The following FHIP1A variants were observed in gnomAD, a reference collection of about 807,000 sequenced individuals.
FHIP1A encodes FHF complex subunit HOOK interacting protein 1A, also known as FHF complex subunit HOOK-interacting protein 1A.
FHIP1A carries 61 observed loss-of-function variants against 88.6 expected under a neutral mutation model. That is an observed-to-expected ratio of 0.69 (90% CI 0.56 to 0.85). The LOEUF is 0.85. Among genes scored for constraint, FHIP1A ranks in the 40% least tolerant of loss-of-function variants. The probability of loss-of-function intolerance (pLI) is 0.00; values close to 1 mark genes in which losing one functional copy is unlikely to be tolerated. For synonymous variants in FHIP1A, 478 were observed against 496.0 expected, an observed-to-expected ratio of 0.96 and a Z score of 0.48; for missense variants, 1,154 against 1,273.5, an observed-to-expected ratio of 0.91 and a Z score of 1.43.
chr4:151,429,932 C>T (rs1733532667), intron 1 of FHIP1A, among the ~76,000 whole-genome samples: 1 of 151,788 alleles, frequency 6.6e-6, no homozygotes, highest in South Asian at 2.1e-4. Context: ...TACCAAATTC[C>T]ACTTTCAAAT....
At position 151,667,577 on chromosome 4, in the gene FHIP1A, T is replaced by C. The variant is rs1424808922; in HGVS notation, c.*4823T>C. On this transcript the variant is annotated 3_prime_UTR_variant, in exon 14 of 14. Transcript: ENST00000435205. ...GCTCAATAACTGGATAAACAGGACT[T>C]TAGTGAAAGATTTTCAGAGGTTCTT... is the stretch of plus-strand genomic sequence containing the variant. Among the ~76,000 whole-genome samples, 1 of 152,154 alleles carries C rather than the reference T, an allele frequency of 6.6e-6. No individual in the cohort carries two copies. Among genetic ancestry groups the C allele is most frequent in the Non-Finnish European group, 1.5e-5 (1 of 68,018 alleles).
chr4:151,449,242 T>C (rs1330738291), intron 1 of FHIP1A, among the ~76,000 whole-genome samples: 2 of 152,166 alleles, frequency 1.3e-5, no homozygotes, highest in African/African-American at 4.8e-5. Flanking sequence ...ATATTTTATA[T>C]GTTATTTTAT....
intron 3 of FHIP1A, among the ~76,000 whole-genome samples, chr4:151,516,688 G>A (rs1312543931): frequency 6.6e-6 from 1 of 152,136 alleles, no homozygotes; most frequent in Non-Finnish European, 1.5e-5. Flanking sequence ...GCAGCCAAAA[G>A]ACACATGAAA....
chr4:151,650,508 A>G lies in FHIP1A; in HGVS notation c.2467A>G (p.Thr823Ala), dbSNP rs571534923. ...TATAGCGGAGATGCCTGCTGTAGAG[A>G]CTGTGCCTTCCCCATTTGTGGGGAG... Reference protein sequence around the residue: ...SFIAEMPAVETVPSPFVGRDE... With the variant: ...SFIAEMPAVEAVPSPFVGRDE... The change falls in exon 11 of 14, where the codon ACT becomes GCT. Residue 823 changes from threonine to alanine, a missense_variant. Physicochemically the swap from Thr to Ala is moderately conservative, Grantham distance 58 (BLOSUM62 0). Coordinates refer to ENST00000435205, the MANE Select transcript of FHIP1A (RefSeq NM_001109977.3). 3.2e-6 allele frequency: 5 copies of G among 1,551,530 alleles called. No homozygotes were observed. The South Asian group carries it at 4.8e-5, about 15-fold the overall frequency.
chr4:151,616,418 A>G (rs1735518498), intron 7 of FHIP1A, among the ~76,000 whole-genome samples: 1 of 151,498 alleles, frequency 6.6e-6, no homozygotes, highest in African/African-American at 2.4e-5. Context: ...GGGGAAGAGC[A>G]GAGACAAATA....
rs1389803258 is a variant in FHIP1A at position 151,482,581 on chromosome 4, C to G, written c.-190C>G. The G allele has an allele frequency of 1.3e-5, 2 of 152,152 alleles. No homozygotes were observed. The highest frequency in any genetic ancestry group is 1.9e-4 in the East Asian group (1 of 5,188). 9.4% of individuals were successfully genotyped at this position (152,152 alleles called of 1,614,324 possible). ...AGAGCCAAATGTTAGAAAAATCTTT[C>G]CGCTCCTCTGAAGAGTGAAGTGAGC... On this transcript the variant is annotated 5_prime_UTR_variant, in exon 3 of 14. Coordinates refer to ENST00000435205, the MANE Select transcript of FHIP1A (RefSeq NM_001109977.3).
intron 1 of FHIP1A, among the ~76,000 whole-genome samples, chr4:151,428,058 A>G (rs1262689584): frequency 1.3e-5 from 2 of 152,182 alleles, no homozygotes; most frequent in Non-Finnish European, 2.9e-5. Context: ...ATATAGTATC[A>G]TGGTAATCTG....
At position 151,416,926 on chromosome 4, in the gene FHIP1A, G is replaced by A. The variant is rs202242548; in HGVS notation, c.-356+7461G>A. 1.4e-4 allele frequency among the ~76,000 whole-genome samples: 22 copies of A among 152,174 alleles called. 1 individual carries two copies. The East Asian group carries it at 3.3e-3, about 23-fold the overall frequency. ...AGTCTCCTGAGTATCTGGGACTACA[G>A]GTGCATGCCACCATGCCTGGCTAAT... On this transcript the variant is annotated intron_variant, in intron 1 of 13. Coordinates refer to ENST00000435205, the MANE Select transcript of FHIP1A (RefSeq NM_001109977.3).
chr4:151,614,238 G>A (rs1165655372), intron 7 of FHIP1A, among the ~76,000 whole-genome samples: 1 of 152,042 alleles, frequency 6.6e-6, no homozygotes, highest in Admixed American at 6.5e-5. Flanking sequence ...GGAGGCCGAG[G>A]CAGGAGGATT....
intron 7 of FHIP1A, among the ~76,000 whole-genome samples, chr4:151,597,134 T>G (rs12503269): frequency 2.0e-5 from 3 of 152,208 alleles, no homozygotes; most frequent in Admixed American, 1.3e-4. Flanking sequence ...CAGCCTTTTT[T>G]GTGCTGATTT....
At chr4:151,584,848 A>G (rs147929338) in intron 5 of FHIP1A, among the ~76,000 whole-genome samples, 11 of 152,024 alleles carry the variant, frequency 7.2e-5, no homozygotes, top group South Asian at 2.1e-4. Flanking sequence ...TGCTTGGAAT[A>G]TTCTTCCCCC....
At chr4:151,553,232 A>T (rs1267026316) in intron 3 of FHIP1A, among the ~76,000 whole-genome samples, 2 of 152,210 alleles carry the variant, frequency 1.3e-5, no homozygotes, top group Non-Finnish European at 2.9e-5. Context: ...TTTATTTATA[A>T]TATCACATGG....
intron 1 of FHIP1A, among the ~76,000 whole-genome samples, chr4:151,414,687 T>G (rs1451143646): frequency 1.3e-5 from 2 of 152,194 alleles, no homozygotes; most frequent in Non-Finnish European, 2.9e-5. Flanking sequence ...TTTGAAGTTC[T>G]GAGAGTGAGG....
chr4:151,548,096 T>G (rs1000522432), intron 3 of FHIP1A, among the ~76,000 whole-genome samples: 5 of 152,084 alleles, frequency 3.3e-5, no homozygotes, highest in Non-Finnish European at 7.4e-5. Flanking sequence ...GTGATATAAC[T>G]TGTGCTTGAA....
At chr4:151,634,108 G>A (rs1458054521) in intron 8 of FHIP1A, among the ~76,000 whole-genome samples, 4 of 151,668 alleles carry the variant, frequency 2.6e-5, no homozygotes, top group Non-Finnish European at 4.4e-5. Flanking sequence ...ACGCACATAA[G>A]TAATTTCTAT....
At chr4:151,539,660 A>G (rs192242358) in intron 3 of FHIP1A, among the ~76,000 whole-genome samples, 1 of 151,722 alleles carries the variant, frequency 6.6e-6, no homozygotes, top group African/African-American at 2.4e-5. Context: ...TCTGGAAAGT[A>G]CATTGACTCT....
chr4:151,477,678 G>A (rs1729756260), intron 2 of FHIP1A, among the ~76,000 whole-genome samples: 1 of 152,038 alleles, frequency 6.6e-6, no homozygotes, highest in African/African-American at 2.4e-5. Context: ...AATGGACTAA[G>A]GCTACAAATA....
intron 7 of FHIP1A, among the ~76,000 whole-genome samples, chr4:151,598,703 C>G (rs1263065386): frequency 6.6e-6 from 1 of 152,078 alleles, no homozygotes; most frequent in Admixed American, 6.5e-5. Flanking sequence ...CATTTCTGAA[C>G]CAGAGATTTC....
intron 1 of FHIP1A, among the ~76,000 whole-genome samples, chr4:151,453,368 T>C (rs1297778780): frequency 6.6e-6 from 1 of 152,160 alleles, no homozygotes; most frequent in Non-Finnish European, 1.5e-5. Flanking sequence ...TTCCATACCA[T>C]TAAATATTCT....
Sources: gnomAD v4.1 joint callset for allele counts (sites outside exome capture counted in the v4.1 genomes callset) on GRCh38, gnomAD v4.1.1 for gene constraint, MANE v1.5 for transcripts, NCBI Gene and HGNC (gene_info 2026-07-23, HGNC 2026-07-21) for gene names.